Variants in MMAA observed in about 807,000 individuals in gnomAD.
MMAA encodes metabolism of cobalamin associated A.
In MMAA, 41 loss-of-function variants were observed where a neutral mutation model predicts 45.0. The observed-to-expected ratio is 0.91, with a 90% CI of 0.71 to 1.18. The LOEUF (loss-of-function observed/expected upper bound fraction) is 1.18, where lower values mean the gene tolerates loss of function less well. Among genes scored for constraint, MMAA ranks in the 50% most tolerant of loss-of-function variants. The pLI is 0.00. For synonymous variants in MMAA, 154 were observed against 178.2 expected (o/e 0.86, Z 1.08); for missense variants, 460 against 495.7 (o/e 0.93, Z 0.68).
In MMAA at chr4:145,639,343, A is replaced by G. The variant is rs1727714117; in HGVS notation, c.204A>G (p.Gln68=). Residue 68 remains glutamine, a synonymous_variant, in exon 2 of 7, where the codon CAA becomes CAG. Coordinates refer to ENST00000649156, the MANE Select transcript of MMAA (RefSeq NM_172250.3). ...SDGLKRKLCV[Q]TTLKDHTEGL... is the part of the protein sequence containing the mutation. ...GCTTAAAGAGAAAATTATGTGTACA[A>G]ACAACCTTAAAGGACCACACAGAAG... 1.9e-6 allele frequency: 3 copies of G among 1,614,210 alleles called. No individual in the cohort carries two copies. The highest frequency in any genetic ancestry group is 1.7e-6 in the Non-Finnish European group (2 of 1,180,040).
chr4:145,626,077 C>T (rs186368600), intron 1 of MMAA: 128 of 826,940 alleles, frequency 1.5e-4, no homozygotes, highest in African/African-American at 1.5e-3. Context: ...CTGGGGCAGT[C>T]GGAGGGGACC....
intron 4 of MMAA, 180 bp downstream of exon 4, chr4:145,646,336 T>C: frequency 1.4e-6 from 1 of 719,584 alleles, no homozygotes; most frequent in Non-Finnish European, 2.2e-6. Context: ...CTCCAAGATC[T>C]TATTTTAAAA....
intron 1 of MMAA, among the ~76,000 whole-genome samples, chr4:145,635,990 C>T (rs1185833255): frequency 6.6e-6 from 1 of 152,204 alleles, no homozygotes; most frequent in Non-Finnish European, 1.5e-5. Flanking sequence ...TGACTGTGAT[C>T]ACTCAGCTCT....
rs1031915528 is a variant in MMAA, at chr4:145,639,680, T to A, written c.439+102T>A. 35 of 1,467,208 alleles carry A rather than the reference T, an allele frequency of 2.4e-5. No homozygotes were observed. In the African/African-American group the frequency reaches 4.3e-4, roughly 18 times the overall value. 90.9% of individuals were successfully genotyped at this position (1,467,208 alleles called of 1,614,324 possible). The stretch of plus-strand genomic sequence containing the variant: ...AATAGTTTGCAATCGAATGGCGACT[T>A]TTTTCACAATATTTGGATGAATTTT... On this transcript the variant is annotated intron_variant, in intron 2 of 6. Coordinates refer to ENST00000649156, the MANE Select transcript of MMAA (RefSeq NM_172250.3).
intron 1 of MMAA, among the ~76,000 whole-genome samples, chr4:145,637,589 C>T (rs767116479): frequency 3.3e-5 from 5 of 152,188 alleles, no homozygotes; most frequent in Middle Eastern, 3.4e-3. Flanking sequence ...TCATGTTCAT[C>T]GGCCTTGAAG....
rs1463651503 is a variant in MMAA, at chr4:145,656,827, C to CA, written c.*1396dup. On this transcript the variant is annotated 3_prime_UTR_variant, in exon 7 of 7. Coordinates refer to ENST00000649156, the MANE Select transcript of MMAA (RefSeq NM_172250.3). ...GCATTGTTACTTACTGTACTGGAATCAAACCTCTTGAGCATTATTTTAACA... is the reference window on the plus strand; with the variant it reads ...GCATTGTTACTTACTGTACTGGAATCAAAACCTCTTGAGCATTATTTTAACA... The CA allele has an allele frequency of 6.6e-6, 1 of 152,170 alleles. No homozygotes were observed. The highest frequency in any genetic ancestry group is 1.9e-4 in the East Asian group (1 of 5,194). The allele number at this position is 152,170 out of a possible 1,614,324, so 9.4% of individuals were successfully genotyped here.
intron 1 of MMAA, chr4:145,626,052 G>C: frequency 9.0e-7 from 1 of 1,109,766 alleles, no homozygotes. Context: ...CACAGCTCCA[G>C]GTCCCAGTGC....
At chr4:145,626,063 C>CCCAGAGAG in intron 1 of MMAA, 1 of 969,888 alleles carries the variant, frequency 1.0e-6, no homozygotes, top group Non-Finnish European at 1.6e-6. Context: ...GTCCCAGTGC[C>CCCAGAGAG]TCTCTGGGGC....
chr4:145,646,106 T>C lies in MMAA; in HGVS notation c.683T>C (p.Ile228Thr). ...GTGACAAGGACCACAAATGAAGCTA[T>C]TCTGTTGTGTGAAGGAGCGGGATAT... The part of the protein sequence containing the change: ...GGVTRTTNEA[I>T]LLCEGAGYDI... Residue 228 changes from isoleucine (I) to threonine (T), a missense_variant, in exon 4 of 7, where the codon ATT becomes ACT. By Grantham distance (89) the Ile-to-Thr change is moderately conservative. Transcript: ENST00000649156. The C allele has an allele frequency of 2.5e-6, 4 of 1,614,110 alleles. No individual in the cohort carries two copies. Among genetic ancestry groups the C allele is most frequent in the East Asian group, 2.2e-5 (1 of 44,876 alleles).
rs1295529033 is a variant in MMAA, at chr4:145,657,457, CA to C, written c.*2024del. On this transcript the variant is annotated 3_prime_UTR_variant, in exon 7 of 7. Coordinates refer to ENST00000649156, the MANE Select transcript of MMAA (RefSeq NM_172250.3). ...ACTGGACTTCTGACTTGGTCAAAAGCATAGGTTTTGACTTAGATACATGTGG... is the reference window on the plus strand; with the variant it reads ...ACTGGACTTCTGACTTGGTCAAAAGCTAGGTTTTGACTTAGATACATGTGG... 5 of 151,988 alleles carry C rather than the reference CA, an allele frequency of 3.3e-5. No homozygotes were observed. Among genetic ancestry groups the C allele is most frequent in the Admixed American group, 3.3e-4 (5 of 15,276 alleles). The allele number at this position is 151,988 out of a possible 1,614,324, so 9.4% of individuals were successfully genotyped here.
At position 145,646,156 on chromosome 4, in the gene MMAA, G is replaced by C; in HGVS notation, c.733G>C (p.Gly245Arg). Residue 245 changes from glycine to arginine, a missense_variant and splice_region_variant, in exon 4 of 7, where the codon GGT becomes CGT. Physicochemically the swap from Gly to Arg is moderately radical, Grantham distance 125. Coordinates refer to ENST00000649156, the MANE Select transcript of MMAA (RefSeq NM_172250.3). ...TGACATAATTCTTATTGAAACCGTT[G>C]GTGAGTGTGATATTCTATTTCATAA... ...GYDIILIETV[G>R]VGQSEFAVAD... 6.2e-7 allele frequency: 1 copy of C among 1,613,904 alleles called. No homozygotes were observed. The highest frequency in any genetic ancestry group is 1.1e-5 in the South Asian group (1 of 91,072).
chr4:145,648,435 C>T (rs544243547), intron 4 of MMAA, among the ~76,000 whole-genome samples: 22 of 152,206 alleles, frequency 1.4e-4, no homozygotes, highest in South Asian at 1.2e-3. Flanking sequence ...TGTGAGCTAC[C>T]GCACCCGGCC....
In MMAA at chr4:145,655,133, T is replaced by C. The variant is rs1165647559; in HGVS notation, c.970-14T>C. On this transcript the variant is annotated splice_polypyrimidine_tract_variant and intron_variant, in intron 6 of 6. Coordinates refer to ENST00000649156, the MANE Select transcript of MMAA (RefSeq NM_172250.3). Reference sequence around the variant, plus strand: ...ATTTTAAGTAAAATGGTCTGGTTCTTCCCTTTTCGATAGGTAATTCGTATT... The same window carrying C: ...ATTTTAAGTAAAATGGTCTGGTTCTCCCCTTTTCGATAGGTAATTCGTATT... The C allele has an allele frequency of 6.2e-7, 1 of 1,613,880 alleles. No individual in the cohort carries two copies. The highest frequency in any genetic ancestry group is 1.1e-5 in the South Asian group (1 of 90,916).
Position 145,654,052 on chromosome 4 carries a change from G to A in MMAA, c.878G>A (p.Gly293Glu). The change falls in exon 6 of 7, where the codon GGA becomes GAA. Residue 293 changes from glycine (G) to glutamate (E), a missense_variant. Gly to Glu is a moderately conservative substitution (Grantham distance 98). Coordinates refer to ENST00000649156, the MANE Select transcript of MMAA (RefSeq NM_172250.3). The part of the protein sequence containing the change: ...ADLVAVTKSD[G>E]DLIVPARRIQ... Reference sequence around the variant, plus strand: ...CTGGTAGCTGTAACTAAATCTGATGGAGACTTGATTGTGCCAGCTCGAAGG... The same window carrying A: ...CTGGTAGCTGTAACTAAATCTGATGAAGACTTGATTGTGCCAGCTCGAAGG... The A allele has an allele frequency of 6.2e-7, 1 of 1,614,100 alleles. No homozygotes were observed. The highest frequency in any genetic ancestry group is 8.5e-7 in the Non-Finnish European group (1 of 1,179,990).
chr4:145,626,661 GT>G (rs1292941891), intron 1 of MMAA, among the ~76,000 whole-genome samples: 2 of 152,174 alleles, frequency 1.3e-5, no homozygotes, highest in African/African-American at 2.4e-5. Flanking sequence ...GAAATCCATA[GT>G]TTTTTCCAAG....
rs760429837 is a variant in MMAA at position 145,659,137 on chromosome 4, T to C, written c.*3703T>C. 3.9e-5 allele frequency: 6 copies of C among 152,210 alleles called. No homozygotes were observed. The highest frequency in any genetic ancestry group is 8.8e-5 in the Non-Finnish European group (6 of 68,028). 9.4% of individuals were successfully genotyped at this position (152,210 alleles called of 1,614,324 possible). A position where few individuals can be genotyped will look rare whatever the true frequency, so the allele number is the denominator to read the frequency against. ...ACAATCAGAAAAACTCTTTAACAAA[T>C]GTTTTTCTTTCCGTAGTATTTTAAT... On this transcript the variant is annotated 3_prime_UTR_variant, in exon 7 of 7. Coordinates refer to ENST00000649156, the MANE Select transcript of MMAA (RefSeq NM_172250.3).
At chr4:145,640,237 C>T (rs375528178) in intron 2 of MMAA, among the ~76,000 whole-genome samples, 2 of 152,052 alleles carry the variant, frequency 1.3e-5, no homozygotes, top group Non-Finnish European at 2.9e-5. Flanking sequence ...CTCAGCCTCC[C>T]GAGTAGCTAG....
intron 1 of MMAA, chr4:145,624,874 T>G: frequency 6.2e-7 from 1 of 1,608,812 alleles, no homozygotes; most frequent in Non-Finnish European, 8.5e-7. Flanking sequence ...GTAACCATGC[T>G]GGGGGTGTAC....
rs368766697 is a variant in MMAA at position 145,654,092 on chromosome 4, T to C, written c.918T>C (p.Tyr306=). The C allele has an allele frequency of 5.6e-6, 9 of 1,614,060 alleles. No individual in the cohort carries two copies. The African/African-American group carries it at 8.0e-5, about 14-fold the overall frequency. ...CAGCTCGAAGGATACAAGCGGAATATGTGAGTGCACTGAAATTACTCCGCA... is the reference window on the plus strand; with the variant it reads ...CAGCTCGAAGGATACAAGCGGAATACGTGAGTGCACTGAAATTACTCCGCA... ...IVPARRIQAE[Y]VSALKLLRKR... The change falls in exon 6 of 7, where the codon TAT becomes TAC. Residue 306 remains tyrosine (Y), a synonymous_variant. Coordinates refer to ENST00000649156, the MANE Select transcript of MMAA (RefSeq NM_172250.3).
Sources: allele counts gnomAD v4.1 joint callset (sites outside exome capture counted in the v4.1 genomes callset), GRCh38; gene constraint gnomAD v4.1.1; transcripts MANE v1.5; gene names NCBI Gene and HGNC (gene_info 2026-07-23, HGNC 2026-07-21).